The following SLC39A11 variants were observed in gnomAD, a reference collection of about 807,000 sequenced individuals.
The protein encoded by SLC39A11 is zinc transporter ZIP11.
A neutral mutation model predicts 36.1 loss-of-function variants in SLC39A11; 33 were observed. That is an observed-to-expected ratio of 0.91 (90% CI 0.69 to 1.22). SLC39A11 has a LOEUF of 1.22. SLC39A11 is among the 50% of genes most tolerant of loss of function. The pLI, the probability that SLC39A11 is intolerant of heterozygous loss-of-function variation, is 0.00. For missense variants in SLC39A11, 432 were observed against 430.3 expected (o/e 1.00, Z -0.03); for synonymous variants, 166 against 170.3 (o/e 0.97, Z 0.20).
chr17:72,878,705 C>A (rs1348278242), intron 5 of SLC39A11, among the ~76,000 whole-genome samples: 1 of 152,166 alleles, frequency 6.6e-6, no homozygotes, highest in Non-Finnish European at 1.5e-5. Flanking sequence ...ATATAAAAAT[C>A]AACACAGAAT....
intron 3 of SLC39A11, among the ~76,000 whole-genome samples, chr17:73,036,858 A>C (rs1238166625): frequency 1.3e-5 from 2 of 152,124 alleles, no homozygotes; most frequent in Admixed American, 6.6e-5. Flanking sequence ...TCACTGCCCT[A>C]AAAAGTCCCT....
At chr17:72,818,543 C>T (rs1336287004) in intron 6 of SLC39A11, among the ~76,000 whole-genome samples, 1 of 152,110 alleles carries the variant, frequency 6.6e-6, no homozygotes, top group Admixed American at 6.5e-5. Context: ...AAAGATTAAG[C>T]CTATTGATTT....
intron 7 of SLC39A11, among the ~76,000 whole-genome samples, chr17:72,695,229 C>G (rs1218986446): frequency 6.6e-6 from 1 of 152,206 alleles, no homozygotes; most frequent in African/African-American, 2.4e-5. Flanking sequence ...AGAACCCTCT[C>G]TACCCCCACT....
intron 4 of SLC39A11, among the ~76,000 whole-genome samples, chr17:72,988,270 T>TG (rs2088910749): frequency 1.3e-5 from 2 of 152,260 alleles, no homozygotes; most frequent in Non-Finnish European, 2.9e-5. Flanking sequence ...CCGGCCAACA[T>TG]GGTGAAATCC....
chr17:72,876,949 G>A (rs775988039), intron 5 of SLC39A11, among the ~76,000 whole-genome samples: 14 of 152,140 alleles, frequency 9.2e-5, no homozygotes, highest in Admixed American at 2.0e-4. Flanking sequence ...ATTTCCCTGT[G>A]CCCACAACCA....
At chr17:72,947,949 C>G (rs1352512355) in intron 4 of SLC39A11, 74 bp from the exon 5 acceptor site, 2 of 1,577,590 alleles carry the variant, frequency 1.3e-6, no homozygotes, top group Admixed American at 3.4e-5. Flanking sequence ...GGCTCACGGG[C>G]GCCAAGGCAA....
At chr17:72,696,734 CCTG>C (rs1303051774) in intron 7 of SLC39A11, among the ~76,000 whole-genome samples, 1 of 152,176 alleles carries the variant, frequency 6.6e-6, no homozygotes, top group Non-Finnish European at 1.5e-5. Context: ...CCTTTATGAA[CCTG>C]CTTTTAATAA....
intron 6 of SLC39A11, among the ~76,000 whole-genome samples, chr17:72,750,967 C>A (rs1048940081): frequency 2.0e-5 from 3 of 152,166 alleles, no homozygotes; most frequent in African/African-American, 7.2e-5. Context: ...AGGCAGGAGG[C>A]TGTGCATGGT....
At chr17:72,651,858 C>T (rs1486014451) in intron 7 of SLC39A11, among the ~76,000 whole-genome samples, 1 of 152,076 alleles carries the variant, frequency 6.6e-6, no homozygotes. Flanking sequence ...CCACACCAGC[C>T]CAGGACATGT....
At chr17:72,858,951 T>C (rs569523719) in intron 5 of SLC39A11, among the ~76,000 whole-genome samples, 4 of 152,334 alleles carry the variant, frequency 2.6e-5, no homozygotes, top group African/African-American at 9.6e-5. Flanking sequence ...ACAGGAATAG[T>C]TTGATTTCCT....
chr17:72,824,959 C>G (rs1180664338), intron 6 of SLC39A11, among the ~76,000 whole-genome samples: 4 of 151,276 alleles, frequency 2.6e-5, no homozygotes, highest in African/African-American at 9.7e-5. Context: ...AACTTTGCAG[C>G]CTGACCATGC....
intron 3 of SLC39A11, among the ~76,000 whole-genome samples, chr17:73,056,614 G>A (rs547833496): frequency 6.6e-6 from 1 of 152,314 alleles, no homozygotes; most frequent in Non-Finnish European, 1.5e-5. Context: ...TGACAAAGAC[G>A]GGACTGAGTC....
intron 4 of SLC39A11, among the ~76,000 whole-genome samples, chr17:73,009,273 G>A (rs1450068346): frequency 6.7e-6 from 1 of 150,010 alleles, no homozygotes; most frequent in Non-Finnish European, 1.5e-5. Context: ...GGAGGCTGAG[G>A]CAGGAGAATG....
At chr17:73,041,311 C>T (rs1011441212) in intron 3 of SLC39A11, among the ~76,000 whole-genome samples, 3 of 152,164 alleles carry the variant, frequency 2.0e-5, no homozygotes, top group African/African-American at 7.2e-5. Context: ...AGCAGGTAAT[C>T]GCTGATGGAT....
At chr17:73,007,381 A>G (rs556187733) in intron 4 of SLC39A11, among the ~76,000 whole-genome samples, 3 of 152,296 alleles carry the variant, frequency 2.0e-5, no homozygotes, top group African/African-American at 7.2e-5. Flanking sequence ...AGATTATGCC[A>G]CTGCACTCCA....
intron 5 of SLC39A11, among the ~76,000 whole-genome samples, chr17:72,917,679 A>T (rs1164505096): frequency 1.3e-5 from 2 of 152,226 alleles, no homozygotes; most frequent in Non-Finnish European, 2.9e-5. Flanking sequence ...ATGGAAATCC[A>T]CTGGCTGCTC....
At chr17:73,028,700 A>G (rs983087335) in intron 4 of SLC39A11, among the ~76,000 whole-genome samples, 3 of 151,910 alleles carry the variant, frequency 2.0e-5, no homozygotes, top group African/African-American at 7.3e-5. Context: ...ATCCCTCCCC[A>G]GACATTCACC....
At chr17:72,941,846 G>A (rs372458222) in intron 5 of SLC39A11, among the ~76,000 whole-genome samples, 5 of 149,782 alleles carry the variant, frequency 3.3e-5, no homozygotes, top group Non-Finnish European at 4.4e-5. Flanking sequence ...ACATTTTAAC[G>A]CTGGTTTGCT....
At chr17:72,964,948 T>C (rs1453318560) in intron 4 of SLC39A11, among the ~76,000 whole-genome samples, 3 of 152,208 alleles carry the variant, frequency 2.0e-5, no homozygotes, top group African/African-American at 7.2e-5. Flanking sequence ...TCATGTCCTT[T>C]GTACGGACAC....
Sources: allele counts gnomAD v4.1 joint callset (sites outside exome capture counted in the v4.1 genomes callset), GRCh38; gene constraint gnomAD v4.1.1; transcripts MANE v1.5; gene names NCBI Gene and HGNC (gene_info 2026-07-23, HGNC 2026-07-21).